Variants in GLRA3 observed in about 807,000 individuals in gnomAD.
GLRA3 encodes the protein glycine receptor subunit alpha-3.
In GLRA3, 44 loss-of-function variants were observed where a neutral mutation model predicts 60.4. That is an observed-to-expected ratio of 0.73 (90% confidence interval 0.57 to 0.94). GLRA3 has a LOEUF of 0.94. GLRA3 is among the 40% of genes least tolerant of loss of function. The pLI is 0.00. For missense variants in GLRA3, 508 were observed against 564.6 expected, an observed-to-expected ratio of 0.90 and a Z score of 1.02; for synonymous variants, 223 against 192.9, an observed-to-expected ratio of 1.16 and a Z score of -1.29.
chr4:174,659,420 C>T (rs925300219), intron 7 of GLRA3, among the ~76,000 whole-genome samples: 7 of 151,930 alleles, frequency 4.6e-5, no homozygotes, highest in Non-Finnish European at 1.0e-4. Context: ...ATAGCCCAAA[C>T]ACGATGAAAG....
intron 9 of GLRA3, among the ~76,000 whole-genome samples, chr4:174,652,974 T>C (rs1040421278): frequency 2.0e-5 from 3 of 152,142 alleles, no homozygotes; most frequent in African/African-American, 7.2e-5. Context: ...TGCTGTAAGA[T>C]ATAACAGCAT....
chr4:174,649,286 G>A (rs1732945957), intron 9 of GLRA3, among the ~76,000 whole-genome samples: 1 of 152,094 alleles, frequency 6.6e-6, no homozygotes, highest in East Asian at 1.9e-4. Context: ...CAGGGAAGGA[G>A]GCAAAGGATC....
chr4:174,660,903 A>G (rs935043735), intron 7 of GLRA3, among the ~76,000 whole-genome samples: 2 of 152,206 alleles, frequency 1.3e-5, no homozygotes, highest in Non-Finnish European at 2.9e-5. Context: ...GGATTGGGCC[A>G]TTAGAAGCCC....
rs114122543 is a variant in GLRA3, at chr4:174,748,686, T to A, written c.267+18277A>T. Among the ~76,000 whole-genome samples the A allele has an allele frequency of 9.3e-3, 1,419 of 152,220 alleles. 21 individuals are homozygous for A. The highest frequency in any genetic ancestry group is 0.032 in the African/African-American group (1,343 of 41,552). On this transcript the variant is annotated intron_variant, in intron 3 of 9. Transcript: ENST00000274093. ...TTAAATTTTAGGTTTGGTGGCAGGT[T>A]GCTAAAAGGTTTCTTGTGTTCCGGT... is the stretch of plus-strand genomic sequence containing the variant.
intron 2 of GLRA3, among the ~76,000 whole-genome samples, chr4:174,773,645 G>T (rs1579583633): frequency 6.6e-6 from 1 of 152,110 alleles, no homozygotes; most frequent in African/African-American, 2.4e-5. Flanking sequence ...CACAAGGAGA[G>T]ACGTTATTTT....
At chr4:174,646,604 G>T (rs1732828360) in intron 9 of GLRA3, among the ~76,000 whole-genome samples, 1 of 152,166 alleles carries the variant, frequency 6.6e-6, no homozygotes, top group Non-Finnish European at 1.5e-5. Flanking sequence ...GTGATTCCCT[G>T]TGTGAAGGCA....
chr4:174,821,603 A>G (rs1740741713), intron 1 of GLRA3, among the ~76,000 whole-genome samples: 1 of 152,140 alleles, frequency 6.6e-6, no homozygotes, highest in Non-Finnish European at 1.5e-5. Context: ...CTGTGGTATT[A>G]CAATTTCTTG....
intron 1 of GLRA3, among the ~76,000 whole-genome samples, chr4:174,790,759 T>A (rs1739303920): frequency 7.2e-6 from 1 of 139,820 alleles, no homozygotes; most frequent in Non-Finnish European, 1.5e-5. Context: ...AGCGGGTGGA[T>A]CACGAGGTAA....
chr4:174,742,976 T>G (rs531517915), intron 3 of GLRA3, among the ~76,000 whole-genome samples: 1 of 152,260 alleles, frequency 6.6e-6, no homozygotes, highest in East Asian at 1.9e-4. Context: ...CCTATTTGAT[T>G]ATATAAAACT....
At chr4:174,677,019 T>A in intron 7 of GLRA3, 59 bp downstream of exon 7, 1 of 1,049,164 alleles carries the variant, frequency 9.5e-7, no homozygotes, top group Non-Finnish European at 1.5e-6. Context: ...GACAATGATA[T>A]CTTTGCAAGA....
Position 174,740,956 on chromosome 4 carries a change from G to A in GLRA3, c.268-12258C>T, listed in dbSNP as rs559648497. On this transcript the variant is annotated intron_variant, in intron 3 of 9. Coordinates refer to ENST00000274093, the MANE Select transcript of GLRA3 (RefSeq NM_006529.4). ...CTGAGTTGCATTCAATTGTACGGGC[G>A]TGCCACAGGGCTTATTCACCCATTG... is the stretch of plus-strand genomic sequence containing the variant. 9.9e-5 allele frequency among the ~76,000 whole-genome samples: 15 copies of A among 152,256 alleles called. No homozygotes were observed. In the South Asian group the frequency reaches 1.9e-3, roughly 19 times the overall value.
At chr4:174,647,128 TG>T (rs1180552955) in intron 9 of GLRA3, among the ~76,000 whole-genome samples, 1 of 152,096 alleles carries the variant, frequency 6.6e-6, no homozygotes, top group African/African-American at 2.4e-5. Context: ...TTTCGGGGGC[TG>T]GGGGCGGAGG....
chr4:174,747,420 C>A (rs1737298930), intron 3 of GLRA3, among the ~76,000 whole-genome samples: 4 of 151,976 alleles, frequency 2.6e-5, no homozygotes, highest in Admixed American at 2.6e-4. Context: ...CTAGTATAAG[C>A]CATGGAAATT....
At chr4:174,769,624 C>T (rs953921432) in intron 2 of GLRA3, among the ~76,000 whole-genome samples, 1 of 152,102 alleles carries the variant, frequency 6.6e-6, no homozygotes, top group Non-Finnish European at 1.5e-5. Flanking sequence ...AGCAATCGTT[C>T]TATGACCTCC....
chr4:174,820,996 C>T (rs1007781692), intron 1 of GLRA3, among the ~76,000 whole-genome samples: 1 of 152,008 alleles, frequency 6.6e-6, no homozygotes, highest in Non-Finnish European at 1.5e-5. Context: ...AATATCAGGA[C>T]CAACTGTTGA....
intron 7 of GLRA3, among the ~76,000 whole-genome samples, chr4:174,672,167 T>C (rs1733931546): frequency 1.3e-5 from 2 of 152,124 alleles, no homozygotes; most frequent in Non-Finnish European, 2.9e-5. Context: ...TTTTAATGTT[T>C]AGTAGCTGTT....
At chr4:174,665,523 T>A (rs1318005394) in intron 7 of GLRA3, among the ~76,000 whole-genome samples, 1 of 152,208 alleles carries the variant, frequency 6.6e-6, no homozygotes, top group East Asian at 1.9e-4. Flanking sequence ...CTGCAAGTTT[T>A]AAGTGCTTTC....
At chr4:174,686,032 C>T (rs1734543173) in intron 5 of GLRA3, among the ~76,000 whole-genome samples, 3 of 152,148 alleles carry the variant, frequency 2.0e-5, no homozygotes, top group Non-Finnish European at 4.4e-5. Context: ...ATGTATCTTG[C>T]TTTTGTTTAA....
At chr4:174,706,358 G>C (rs1206763573) in intron 5 of GLRA3, among the ~76,000 whole-genome samples, 1 of 152,172 alleles carries the variant, frequency 6.6e-6, no homozygotes, top group Non-Finnish European at 1.5e-5. Context: ...TCTGACATAA[G>C]GATTATGGTA....
Sources: allele counts gnomAD v4.1 joint callset (sites outside exome capture counted in the v4.1 genomes callset), GRCh38; gene constraint gnomAD v4.1.1; transcripts MANE v1.5; gene names NCBI Gene and HGNC (gene_info 2026-07-23, HGNC 2026-07-21).